Variants in SCFD1 observed in about 807,000 individuals in gnomAD.
SCFD1 encodes the protein sec1 family domain-containing protein 1.
In SCFD1, 37 loss-of-function variants were observed where a neutral mutation model predicts 103.2. That is an observed-to-expected ratio of 0.36 (90% CI 0.28 to 0.47). The LOEUF (loss-of-function observed/expected upper bound fraction) is 0.47, where lower values mean the gene tolerates loss of function less well. Ranked by LOEUF, SCFD1 falls within the 20% of genes least tolerant of loss-of-function variation. The probability of loss-of-function intolerance (pLI) is 1.00; values close to 1 mark genes in which losing one functional copy is unlikely to be tolerated. For synonymous variants in SCFD1, 264 were observed against 245.0 expected (o/e 1.08, Z -0.73); for missense variants, 639 against 761.2 (o/e 0.84, Z 1.89).
intron 10 of SCFD1, among the ~76,000 whole-genome samples, chr14:30,667,340 C>T (rs563290264): frequency 1.1e-3 from 174 of 152,090 alleles, no homozygotes; most frequent in African/African-American, 3.7e-3. Context: ...AAGAGGCCTT[C>T]GACAAAATTC....
chr14:30,703,577 T>C (rs1015679650), intron 17 of SCFD1, among the ~76,000 whole-genome samples: 3 of 151,466 alleles, frequency 2.0e-5, no homozygotes, highest in Admixed American at 2.0e-4. Flanking sequence ...AATAATTAAT[T>C]TTTTAAGACT....
chr14:30,690,848 A>C (rs2139295794), intron 14 of SCFD1, among the ~76,000 whole-genome samples: 1 of 152,302 alleles, frequency 6.6e-6, no homozygotes, highest in East Asian at 1.9e-4. Flanking sequence ...ACTTATTCTT[A>C]ATATTTATTG....
intron 10 of SCFD1, among the ~76,000 whole-genome samples, chr14:30,656,740 G>GA (rs570007308): frequency 2.2e-4 from 32 of 145,516 alleles, no homozygotes; most frequent in Middle Eastern, 3.6e-3. Flanking sequence ...AGAGGTTAAA[G>GA]AAAAAAAAAA....
intron 10 of SCFD1, among the ~76,000 whole-genome samples, chr14:30,658,952 A>G (rs902636340): frequency 6.6e-6 from 1 of 152,206 alleles, no homozygotes; most frequent in African/African-American, 2.4e-5. Flanking sequence ...TAATCCAAGC[A>G]AATATATATT....
intron 19 of SCFD1, among the ~76,000 whole-genome samples, chr14:30,711,089 A>G (rs1891836258): frequency 6.6e-6 from 1 of 152,206 alleles, no homozygotes; most frequent in African/African-American, 2.4e-5. Flanking sequence ...TGTGAGGATA[A>G]TTGTACAAGA....
chr14:30,712,597 A>G (rs1315347762), intron 19 of SCFD1, among the ~76,000 whole-genome samples: 2 of 152,232 alleles, frequency 1.3e-5, no homozygotes, highest in African/African-American at 4.8e-5. Flanking sequence ...TTTTCCGGTG[A>G]CTAAAATCAT....
At chr14:30,680,703 G>C (rs1439222537) in intron 14 of SCFD1, among the ~76,000 whole-genome samples, 2 of 152,104 alleles carry the variant, frequency 1.3e-5, no homozygotes, top group Non-Finnish European at 2.9e-5. Context: ...TGAGGTGGGA[G>C]GATCTCTTGA....
At chr14:30,719,487 T>A in intron 21 of SCFD1, 110 bp downstream of exon 21, 1 of 722,534 alleles carries the variant, frequency 1.4e-6, no homozygotes, top group Non-Finnish European at 2.3e-6. Flanking sequence ...TATGGAAAAC[T>A]CGTAAGGAAA....
chr14:30,721,416 ATCCC>A (rs1159844750), intron 21 of SCFD1, among the ~76,000 whole-genome samples: 2 of 151,774 alleles, frequency 1.3e-5, no homozygotes, highest in Admixed American at 6.6e-5. Context: ...CAAAATTCAG[ATCCC>A]TCCCTCCCTC....
At chr14:30,677,722 A>G (rs765894128) in intron 14 of SCFD1, among the ~76,000 whole-genome samples, 10 of 150,588 alleles carry the variant, frequency 6.6e-5, no homozygotes, top group Non-Finnish European at 1.2e-4. Flanking sequence ...GGCTGTGTTA[A>G]TGTTAATTAA....
intron 7 of SCFD1, among the ~76,000 whole-genome samples, chr14:30,644,593 A>T (rs1280220297): frequency 1.3e-5 from 2 of 152,088 alleles, no homozygotes; most frequent in Non-Finnish European, 2.9e-5. Flanking sequence ...CATTTCTCTA[A>T]TGATTAGTGA....
In SCFD1 at chr14:30,638,204, C is replaced by A; in HGVS notation, c.392C>A (p.Ala131Glu). The A allele has an allele frequency of 6.2e-7, 1 of 1,612,604 alleles. No individual in the cohort carries two copies. The highest frequency in any genetic ancestry group is 8.5e-7 in the Non-Finnish European group (1 of 1,179,332). The change falls in exon 5 of 25, where the codon GCA becomes GAA. Residue 131 changes from alanine to glutamate, a missense_variant. Ala to Glu is a moderately radical substitution (Grantham distance 107). Transcript: ENST00000458591. Reference protein sequence around the residue: ...AISRSKLEDIANAALAASAVT... With the variant: ...AISRSKLEDIENAALAASAVT... ...TCAAGAAGTAAACTGGAAGATATTG[C>A]AAATGCAGCGTTAGCAGCTAGTGCA... is the stretch of plus-strand genomic sequence containing the variant.
chr14:30,666,463 T>G (rs1594649775), intron 10 of SCFD1, among the ~76,000 whole-genome samples: 1 of 152,016 alleles, frequency 6.6e-6, no homozygotes, highest in Admixed American at 6.6e-5. Flanking sequence ...GACCTAAAAC[T>G]GACACCCTAA....
intron 17 of SCFD1, among the ~76,000 whole-genome samples, chr14:30,703,966 T>TAA (rs1555358529): frequency 3.7e-4 from 34 of 90,880 alleles, no homozygotes; most frequent in Non-Finnish European, 4.7e-4. Flanking sequence ...TATATATAAA[T>TAA]AATGAGATAT....
At chr14:30,643,738 T>A in intron 7 of SCFD1, 4 of 319,436 alleles carry the variant, frequency 1.3e-5, no homozygotes, top group Non-Finnish European at 2.3e-5. Flanking sequence ...TTCAAACACA[T>A]TTCTAAATAG....
intron 14 of SCFD1, among the ~76,000 whole-genome samples, chr14:30,676,906 G>A (rs1047655640): frequency 5.3e-5 from 8 of 152,066 alleles, no homozygotes; most frequent in South Asian, 2.1e-4. Context: ...AATTTTTATC[G>A]TGCTTATTAT....
chr14:30,734,587 G>C, intron 23 of SCFD1: 1 of 528,388 alleles, frequency 1.9e-6, no homozygotes, highest in Non-Finnish European at 3.4e-6. Context: ...TATTTTGGGG[G>C]ACAAAAATAC....
intron 9 of SCFD1, among the ~76,000 whole-genome samples, chr14:30,652,070 G>A (rs916818619): frequency 6.6e-6 from 1 of 152,106 alleles, no homozygotes; most frequent in African/African-American, 2.4e-5. Context: ...TCTAGCTCTG[G>A]TAAATCATAG....
intron 2 of SCFD1, among the ~76,000 whole-genome samples, chr14:30,629,531 AGT>A (rs1486919753): frequency 4.1e-4 from 62 of 151,914 alleles, no homozygotes; most frequent in African/African-American, 1.2e-3. Context: ...AATGTGAGGA[AGT>A]GTATTTGATA....
Sources: allele counts gnomAD v4.1 joint callset (sites outside exome capture counted in the v4.1 genomes callset), GRCh38; gene constraint gnomAD v4.1.1; transcripts MANE v1.5; gene names NCBI Gene and HGNC (gene_info 2026-07-23, HGNC 2026-07-21).